NRXN3: variants seen among roughly 807,000 people sequenced by gnomAD.
NRXN3 encodes neurexin 3.
A neutral mutation model predicts 137.6 loss-of-function variants in NRXN3; 32 were observed. That is an observed-to-expected ratio of 0.23 (90% CI 0.18 to 0.31). The LOEUF (loss-of-function observed/expected upper bound fraction) is 0.31. NRXN3 is among the 10% of genes least tolerant of loss of function. The probability of loss-of-function intolerance (pLI) is 1.00; values close to 1 mark genes in which losing one functional copy is unlikely to be tolerated. For synonymous variants in NRXN3, 798 were observed against 784.5 expected, an observed-to-expected ratio of 1.02 and a Z score of -0.29; for missense variants, 1,574 against 2,062.5, an observed-to-expected ratio of 0.76 and a Z score of 4.59.
chr14:79,494,213 T>G (rs543099174), intron 16 of NRXN3, among the ~76,000 whole-genome samples: 2 of 152,342 alleles, frequency 1.3e-5, no homozygotes, highest in Non-Finnish European at 1.5e-5. Flanking sequence ...CCTTTCTTTA[T>G]GATATCAAGA....
At chr14:79,045,447 C>G (rs1236559685) in intron 15 of NRXN3, among the ~76,000 whole-genome samples, 1 of 152,108 alleles carries the variant, frequency 6.6e-6, no homozygotes, top group African/African-American at 2.4e-5. Flanking sequence ...TGAATCATGT[C>G]CTAGGATAAT....
At chr14:78,284,407 A>G (rs751469263) in intron 3 of NRXN3, among the ~76,000 whole-genome samples, 7 of 152,074 alleles carry the variant, frequency 4.6e-5, no homozygotes, top group Non-Finnish European at 7.4e-5. Context: ...TCTCCCTAAT[A>G]TATATAAAAC....
At chr14:78,434,831 C>T (rs2094007843) in intron 4 of NRXN3, among the ~76,000 whole-genome samples, 1 of 152,170 alleles carries the variant, frequency 6.6e-6, no homozygotes, top group Non-Finnish European at 1.5e-5. Context: ...GAGACTGCTC[C>T]ACTCAAGAAG....
chr14:78,335,729 A>G (rs1347662246), intron 4 of NRXN3, among the ~76,000 whole-genome samples: 2 of 152,092 alleles, frequency 1.3e-5, no homozygotes, highest in East Asian at 1.9e-4. Context: ...TTGGAGGTCT[A>G]CTGAGGTCTC....
intron 4 of NRXN3, among the ~76,000 whole-genome samples, chr14:78,328,249 C>T (rs1045463858): frequency 2.6e-5 from 4 of 152,170 alleles, no homozygotes; most frequent in Non-Finnish European, 5.9e-5. Context: ...TCTCATGAGA[C>T]GTTTTTGACT....
intron 15 of NRXN3, among the ~76,000 whole-genome samples, chr14:78,989,447 A>G (rs1567914796): frequency 6.6e-6 from 1 of 152,148 alleles, no homozygotes; most frequent in African/African-American, 2.4e-5. Flanking sequence ...GGCAATATAG[A>G]GAGAAAATTA....
intron 6 of NRXN3, among the ~76,000 whole-genome samples, chr14:78,662,386 T>C (rs941440769): frequency 6.6e-6 from 1 of 152,022 alleles, no homozygotes; most frequent in Non-Finnish European, 1.5e-5. Context: ...GACTGTCCTA[T>C]GGAAGTGGAA....
At chr14:79,584,568 T>C (rs896265186) in intron 16 of NRXN3, among the ~76,000 whole-genome samples, 4 of 152,206 alleles carry the variant, frequency 2.6e-5, no homozygotes, top group Non-Finnish European at 5.9e-5. Flanking sequence ...TAGAACCTTA[T>C]GGGACTTGGG....
chr14:78,773,799 T>A (rs2098736240), intron 8 of NRXN3, among the ~76,000 whole-genome samples: 1 of 152,114 alleles, frequency 6.6e-6, no homozygotes, highest in Non-Finnish European at 1.5e-5. Context: ...CTTATTTGTT[T>A]GTTTGTTTGT....
intron 4 of NRXN3, among the ~76,000 whole-genome samples, chr14:78,339,820 A>C (rs1430485813): frequency 2.0e-5 from 3 of 152,156 alleles, no homozygotes; most frequent in East Asian, 3.9e-4. Context: ...TTCCTGAAGA[A>C]AAGTAGATGA....
At chr14:79,177,010 C>G (rs1283527132) in intron 15 of NRXN3, among the ~76,000 whole-genome samples, 1 of 152,010 alleles carries the variant, frequency 6.6e-6, no homozygotes, top group Non-Finnish European at 1.5e-5. Flanking sequence ...GTGGTATAGA[C>G]TTGGAAAAGA....
chr14:78,195,564 G>A (rs952480053), intron 1 of NRXN3, among the ~76,000 whole-genome samples: 15 of 152,278 alleles, frequency 9.9e-5, no homozygotes, highest in Admixed American at 4.6e-4. Context: ...AGAGAGGTGC[G>A]GGGACAGCCC....
intron 4 of NRXN3, among the ~76,000 whole-genome samples, chr14:78,488,710 A>G (rs1449959823): frequency 6.7e-6 from 1 of 149,574 alleles, no homozygotes; most frequent in Non-Finnish European, 1.5e-5. Context: ...AGAAAGAGGG[A>G]GATGGAGAAA....
intron 15 of NRXN3, among the ~76,000 whole-genome samples, chr14:79,030,422 C>T (rs1301862309): frequency 6.6e-6 from 1 of 151,998 alleles, no homozygotes; most frequent in Non-Finnish European, 1.5e-5. Flanking sequence ...CCCCCAGAAC[C>T]CTGCCTTGAC....
intron 15 of NRXN3, among the ~76,000 whole-genome samples, chr14:79,218,232 T>A (rs2068886233): frequency 6.6e-6 from 1 of 152,198 alleles, no homozygotes; most frequent in African/African-American, 2.4e-5. Context: ...TTTTCTTGAT[T>A]GTGTGGTCAA....
chr14:79,299,739 A>G (rs573004385), intron 15 of NRXN3, among the ~76,000 whole-genome samples: 2 of 152,092 alleles, frequency 1.3e-5, no homozygotes, highest in Non-Finnish European at 2.9e-5. Flanking sequence ...CTTGGGTGTG[A>G]CAGACAATTT....
chr14:78,805,171 T>C (rs1167014502), intron 9 of NRXN3, among the ~76,000 whole-genome samples: 3 of 152,130 alleles, frequency 2.0e-5, no homozygotes. Context: ...TGTCTTTTTT[T>C]TTTCTTCTAG....
chr14:79,312,441 T>C (rs1239119245), intron 15 of NRXN3, among the ~76,000 whole-genome samples: 1 of 42,400 alleles, frequency 2.4e-5, no homozygotes, highest in African/African-American at 1.1e-4. Context: ...TCTGTAGATG[T>C]CTATTAGGTC....
chr14:78,903,135 A>G (rs1340537793), intron 10 of NRXN3, among the ~76,000 whole-genome samples: 1 of 145,044 alleles, frequency 6.9e-6, no homozygotes, highest in African/African-American at 2.7e-5. Context: ...ATAAACAATG[A>G]AGTTTCATCT....
Sources: gnomAD v4.1 joint callset for allele counts (sites outside exome capture counted in the v4.1 genomes callset) on GRCh38, gnomAD v4.1.1 for gene constraint, MANE v1.5 for transcripts, NCBI Gene and HGNC (gene_info 2026-07-23, HGNC 2026-07-21) for gene names.